The following ZNF469 variants were observed in gnomAD, a reference collection of about 807,000 sequenced individuals.
ZNF469 encodes the protein zinc finger protein 469.
ZNF469 carries 1 observed loss-of-function variant against 1.0 expected under a neutral mutation model. The observed-to-expected ratio is 1.00, with a 90% CI of 0.35 to 4.73. The LOEUF (loss-of-function observed/expected upper bound fraction) is 4.73, where lower values mean the gene tolerates loss of function less well. Ranked by LOEUF, ZNF469 falls within the 30% of genes most tolerant of loss-of-function variation. The probability of loss-of-function intolerance (pLI) is 0.16; values close to 1 mark genes in which losing one functional copy is unlikely to be tolerated. For synonymous variants in ZNF469, 2,703 were observed against 2,363.4 expected (o/e 1.14, Z -4.17); for missense variants, 6,100 against 5,356.3 (o/e 1.14, Z -4.33).
At chr16:88,188,057 T>A in the ZNF469 span, among the ~76,000 whole-genome samples, 1 of 152,052 alleles carries the variant, frequency 6.6e-6, no homozygotes, top group Non-Finnish European at 1.5e-5. Flanking sequence ...ACTTTGGAGC[T>A]CAGGGCCTGG....
chr16:88,374,691 C>T, the ZNF469 span, among the ~76,000 whole-genome samples: 2 of 152,204 alleles, frequency 1.3e-5, no homozygotes, highest in African/African-American at 4.8e-5. Flanking sequence ...CAAAGAGCTG[C>T]GTGTGCAGTG....
At chr16:88,219,288 C>T in the ZNF469 span, among the ~76,000 whole-genome samples, 1 of 149,358 alleles carries the variant, frequency 6.7e-6, no homozygotes, top group Non-Finnish European at 1.5e-5. Flanking sequence ...CATATGGAAT[C>T]AAAAAAGAGC....
At chr16:88,128,133 TGGGTG>T in the ZNF469 span, among the ~76,000 whole-genome samples, 1 of 152,076 alleles carries the variant, frequency 6.6e-6, no homozygotes, top group Non-Finnish European at 1.5e-5. Flanking sequence ...TGGCAGCTGT[TGGGTG>T]ACCCAGATGG....
chr16:88,167,115 G>T, the ZNF469 span, among the ~76,000 whole-genome samples: 2 of 140,722 alleles, frequency 1.4e-5, no homozygotes, highest in African/African-American at 5.3e-5. Flanking sequence ...AGGCTGGAGT[G>T]CAGTGGTGTG....
the ZNF469 span, among the ~76,000 whole-genome samples, chr16:88,120,594 C>T: frequency 6.6e-6 from 1 of 152,238 alleles, no homozygotes; most frequent in Non-Finnish European, 1.5e-5. Flanking sequence ...GGCGAGAGCC[C>T]TCAACCAGGG....
chr16:88,277,575 G>C, the ZNF469 span, among the ~76,000 whole-genome samples: 9 of 136,426 alleles, frequency 6.6e-5, 1 homozygote, highest in African/African-American at 2.4e-4. Context: ...GTAGATATCA[G>C]GGCACGGTTA....
chr16:88,104,566 C>A, the ZNF469 span, among the ~76,000 whole-genome samples: 112 of 152,370 alleles, frequency 7.4e-4, 1 homozygote, highest in African/African-American at 2.6e-3. Context: ...CTGTCCCATG[C>A]GTGGGTCACG....
At position 88,438,988 on chromosome 16, in the gene ZNF469, G is replaced by A. The variant is rs1454018486; in HGVS notation, c.11518G>A (p.Ala3840Thr). 6.5e-7 allele frequency: 1 copy of A among 1,550,164 alleles called. No homozygotes were observed. Among genetic ancestry groups the A allele is most frequent in the African/African-American group, 1.4e-5 (1 of 73,012 alleles). Residue 3840 changes from alanine to threonine, a missense_variant, in exon 3 of 3, where the codon GCC becomes ACC. By Grantham distance (58) the Ala-to-Thr change is moderately conservative (BLOSUM62 0). Coordinates refer to ENST00000565624, the MANE Select transcript of ZNF469 (RefSeq NM_001367624.2). Reference sequence around the variant, plus strand: ...GGGGAGCTTCGGGAGAGCCCCCTCAGCCCCTGACAAGCCCCCCCGGACCCC... The same window carrying A: ...GGGGAGCTTCGGGAGAGCCCCCTCAACCCCTGACAAGCCCCCCCGGACCCC... ...SVGSFGRAPS[A>T]PDKPPRTPRK...
At chr16:88,328,210 G>A in the ZNF469 span, among the ~76,000 whole-genome samples, 147 of 152,362 alleles carry the variant, frequency 9.6e-4, no homozygotes, top group Non-Finnish European at 1.4e-3. Flanking sequence ...GGGCCAGGCC[G>A]GACACTTCAG....
rs1906643393 is a variant in ZNF469, at chr16:88,437,137, G to A, written c.9667G>A (p.Ala3223Thr). The A allele has an allele frequency of 1.9e-6, 3 of 1,548,778 alleles. No homozygotes were observed. The highest frequency in any genetic ancestry group is 8.7e-7 in the Non-Finnish European group (1 of 1,146,590). ...DLPGGLEGSS[A>T]VAHLLNSITE... ...GCCCGGAGGCCTGGAGGGCAGCAGCGCTGTCGCCCACCTTCTGAACAGCAT... is the reference window on the plus strand; with the variant it reads ...GCCCGGAGGCCTGGAGGGCAGCAGCACTGTCGCCCACCTTCTGAACAGCAT... Residue 3223 changes from alanine to threonine, a missense_variant, in exon 3 of 3, where the codon GCT becomes ACT. Ala to Thr is a moderately conservative substitution (Grantham distance 58). Coordinates refer to ENST00000565624, the MANE Select transcript of ZNF469 (RefSeq NM_001367624.2).
At chr16:88,357,969 G>T in the ZNF469 span, among the ~76,000 whole-genome samples, 2 of 152,328 alleles carry the variant, frequency 1.3e-5, no homozygotes, top group East Asian at 3.9e-4. Context: ...ATGGCATTTG[G>T]CCCGAAATGT....
the ZNF469 span, among the ~76,000 whole-genome samples, chr16:88,356,533 C>T: frequency 1.9e-3 from 289 of 151,384 alleles, no homozygotes; most frequent in Non-Finnish European, 3.0e-3. Context: ...TTGCCGTGTG[C>T]CTGTGTGTGT....
At chr16:88,208,412 G>A in the ZNF469 span, among the ~76,000 whole-genome samples, 278 of 149,088 alleles carry the variant, frequency 1.9e-3, 3 homozygotes, top group African/African-American at 6.3e-3. Flanking sequence ...CATTACTACT[G>A]GGGTGCCTCG....
Position 88,428,642 on chromosome 16 carries a change from T to A in ZNF469, c.1172T>A (p.Leu391Gln). Reference sequence around the variant, plus strand: ...AGACCACCTTCAGCCCAGGATGGGCTGGGGAGCACGAGAGGGCCCCCTAGC... The same window carrying A: ...AGACCACCTTCAGCCCAGGATGGGCAGGGGAGCACGAGAGGGCCCCCTAGC... ...PERPPSAQDGLGSTRGPPSSL... is the reference protein window; with the variant it reads ...PERPPSAQDGQGSTRGPPSSL... Residue 391 changes from leucine to glutamine, a missense_variant, in exon 3 of 3, where the codon CTG becomes CAG. By Grantham distance (113) the Leu-to-Gln change is moderately radical. Coordinates refer to ENST00000565624, the MANE Select transcript of ZNF469 (RefSeq NM_001367624.2). 1 of 1,550,172 alleles carries A rather than the reference T, an allele frequency of 6.5e-7. No homozygotes were observed.
At chr16:88,306,991 G>A in the ZNF469 span, among the ~76,000 whole-genome samples, 1 of 152,136 alleles carries the variant, frequency 6.6e-6, no homozygotes, top group Non-Finnish European at 1.5e-5. Flanking sequence ...TTTATCATCA[G>A]CTCCTTGTTC....
chr16:88,129,090 G>A, the ZNF469 span, among the ~76,000 whole-genome samples: 3 of 152,270 alleles, frequency 2.0e-5, no homozygotes, highest in African/African-American at 7.2e-5. Context: ...AATCGGTAAT[G>A]CAGTGATAAA....
chr16:88,133,205 G>A, the ZNF469 span, among the ~76,000 whole-genome samples: 4 of 152,254 alleles, frequency 2.6e-5, no homozygotes, highest in Non-Finnish European at 4.4e-5. Flanking sequence ...GCCCTGCCAG[G>A]GCTCCTTCCG....
the ZNF469 span, among the ~76,000 whole-genome samples, chr16:88,121,761 T>C: frequency 6.6e-6 from 1 of 152,250 alleles, no homozygotes; most frequent in East Asian, 1.9e-4. Context: ...AGAGTTCTGA[T>C]ATAACTGTGC....
chr16:88,223,824 C>T, the ZNF469 span, among the ~76,000 whole-genome samples: 1 of 152,226 alleles, frequency 6.6e-6, no homozygotes, highest in Non-Finnish European at 1.5e-5. Context: ...CTCTGGGCCG[C>T]CCGCCCCCTT....
Sources: gnomAD v4.1 joint callset for allele counts (sites outside exome capture counted in the v4.1 genomes callset) on GRCh38, gnomAD v4.1.1 for gene constraint, MANE v1.5 for transcripts, NCBI Gene and HGNC (gene_info 2026-07-23, HGNC 2026-07-21) for gene names.